The following ZNF316 variants were observed in gnomAD, a reference collection of about 807,000 sequenced individuals.
ZNF316 encodes zinc finger protein 316.
ZNF316 carries 23 observed loss-of-function variants against 75.6 expected under a neutral mutation model. That is an observed-to-expected ratio of 0.30 (90% CI 0.22 to 0.43). The LOEUF (loss-of-function observed/expected upper bound fraction) is 0.43. ZNF316 is among the 20% of genes least tolerant of loss of function. ZNF316 has a pLI of 1.00. For synonymous variants in ZNF316, 827 were observed against 666.2 expected, an observed-to-expected ratio of 1.24 and a Z score of -3.72; for missense variants, 1,266 against 1,409.4, an observed-to-expected ratio of 0.90 and a Z score of 1.63.
Position 6,653,500 on chromosome 7 carries a change from C to T in ZNF316, c.1904C>T (p.Pro635Leu), listed in dbSNP as rs1362149938. 3.7e-5 allele frequency: 45 copies of T among 1,220,814 alleles called. No homozygotes were observed. The highest frequency in any genetic ancestry group is 4.5e-5 in the Non-Finnish European group (44 of 980,854). The allele number at this position is 1,220,814 out of a possible 1,614,324, so 75.6% of individuals were successfully genotyped here. A position where few individuals can be genotyped will look rare whatever the true frequency, so the allele number is the denominator to read the frequency against. Reference protein sequence around the residue: ...LPVDGRPLPAPLGGPLSLVEG... With the variant: ...LPVDGRPLPALLGGPLSLVEG... ...GTCGACGGGCGCCCGCTCCCGGCGC[C>T]CCTGGGGGGCCCGCTCTCCCTGGTG... The change falls in exon 9 of 9, where the codon CCC (proline) becomes CTC (leucine). Residue 635 changes from proline (P) to leucine (L), a missense_variant. Pro to Leu is a moderately conservative substitution (Grantham distance 98). Around this residue, in one of 3 missense-constraint regions of ZNF316, gnomAD observed 961 missense variants for 990.9 expected, o/e 0.97. Transcript: ENST00000382252.
chr7:6,652,902 G>A lies in ZNF316; in HGVS notation c.1306G>A (p.Ala436Thr). The change falls in exon 9 of 9, where the codon GCG (alanine) becomes ACG (threonine). Residue 436 changes from alanine (A) to threonine (T), a missense_variant. This residue lies in a region of ZNF316 where 961 missense variants were observed against 990.9 expected (regional missense o/e 0.97). Transcript: ENST00000382252. ...ERPYRCAFCG[A>T]GFGRRSYLVT... ...GCCCTACCGCTGCGCCTTCTGCGGC[G>A]CGGGCTTCGGGCGCCGCTCCTACCT... 1 of 1,238,670 alleles carries A rather than the reference G, an allele frequency of 8.1e-7. No individual in the cohort carries two copies. The highest frequency in any genetic ancestry group is 1.0e-6 in the Non-Finnish European group (1 of 990,846). The allele number at this position is 1,238,670 out of a possible 1,614,324, so 76.7% of individuals were successfully genotyped here. A position where few individuals can be genotyped will look rare whatever the true frequency, so the allele number is the denominator to read the frequency against.
Position 6,642,781 on chromosome 7 carries a change from G to C in ZNF316, c.355+17G>C. The C allele has an allele frequency of 8.1e-7, 1 of 1,233,504 alleles. No homozygotes were observed. The highest frequency in any genetic ancestry group is 1.0e-6 in the Non-Finnish European group (1 of 988,976). The allele number at this position is 1,233,504 out of a possible 1,614,324, so 76.4% of individuals were successfully genotyped here. The stretch of plus-strand genomic sequence containing the variant: ...AGGAAAAGGGTAAGAAAAGCAGCCA[G>C]CCTTGGGGAGGAGATGAAGGGGGCT... On this transcript the variant is annotated intron_variant, in intron 5 of 8. Transcript: ENST00000382252. This position sits in a 1 kb window ranked among gnomAD's most constrained non-coding sequence, Gnocchi z 8.1.
chr7:6,653,100 C>T lies in ZNF316; in HGVS notation c.1504C>T (p.Arg502Cys). The change falls in exon 9 of 9, where the codon CGC becomes TGC. Residue 502 changes from arginine (R) to cysteine (C), a missense_variant. Arg to Cys is a radical substitution (Grantham distance 180). Transcript: ENST00000382252. Reference protein sequence around the residue: ...QAFRLRADFQRHRRGGGCAEA... With the variant: ...QAFRLRADFQCHRRGGGCAEA... ...CTTCCGCCTGCGCGCCGACTTCCAG[C>T]GCCACCGACGCGGCGGGGGCTGCGC... The T allele has an allele frequency of 8.5e-7, 1 of 1,178,536 alleles. No individual in the cohort carries two copies. The highest frequency in any genetic ancestry group is 1.0e-6 in the Non-Finnish European group (1 of 954,662). 73.0% of individuals were successfully genotyped at this position (1,178,536 alleles called of 1,614,324 possible).
chr7:6,639,898 C>G lies in ZNF316; in HGVS notation c.-167+757C>G, dbSNP rs138702581. On this transcript the variant is annotated intron_variant, in intron 3 of 8. Coordinates refer to ENST00000382252, the MANE Select transcript of ZNF316 (RefSeq NM_001278559.2). This position sits in a 1 kb window ranked among gnomAD's most constrained non-coding sequence, Gnocchi z 4.2. ...TTTCGACACTTTGGGCATCTTCACA[C>G]GCCAAAGAGCTGTGGACACTGAGAA... is the stretch of plus-strand genomic sequence containing the variant. Among the ~76,000 whole-genome samples, 1 of 152,144 alleles carries G rather than the reference C, an allele frequency of 6.6e-6. No individual in the cohort carries two copies.
At chr7:6,644,105 C>T (rs1182310962) in intron 7 of ZNF316, among the ~76,000 whole-genome samples, 157 bp downstream of exon 7, 1 of 152,114 alleles carries the variant, frequency 6.6e-6, no homozygotes, top group Non-Finnish European at 1.5e-5. Flanking sequence ...CCCCATGGCC[C>T]CTGGGTGGGG....
rs369688400 is a variant in ZNF316, at chr7:6,657,901, TAAAAAA to T, written c.*3294_*3299del. On this transcript the variant is annotated 3_prime_UTR_variant, in exon 9 of 9. Transcript: ENST00000382252. ...ATAGTTGACTGTCCAGCCAAATACT[TAAAAAA>T]AAAGTTTATAGGGAGAAAAATACCC... Among the ~76,000 whole-genome samples, 1 of 145,564 alleles carries T rather than the reference TAAAAAA, an allele frequency of 6.9e-6. No individual in the cohort carries two copies. The highest frequency in any genetic ancestry group is 6.9e-5 in the Admixed American group (1 of 14,518).
chr7:6,649,060 G>T lies in ZNF316; in HGVS notation c.707-3243G>T, dbSNP rs185459590. On this transcript the variant is annotated intron_variant, in intron 8 of 8. Coordinates refer to ENST00000382252, the MANE Select transcript of ZNF316 (RefSeq NM_001278559.2). ...CAGCTCCTGTCACCTGCCGCTGGAT[G>T]GGGGGGGTCTTAGTGTTCCCAGTTC... Among the ~76,000 whole-genome samples the T allele has an allele frequency of 4.0e-3, 603 of 151,876 alleles. 4 individuals are homozygous for T. The highest frequency in any genetic ancestry group is 0.014 in the African/African-American group (569 of 41,392).
rs1388473976 is a variant in ZNF316 at position 6,644,676 on chromosome 7, C to T, written c.706+83C>T. The stretch of plus-strand genomic sequence containing the variant: ...ACTTTGGCCTTCACTGCGCTCTCTG[C>T]AGACCTGGTACCTGGTGCCTCTGAC... On this transcript the variant is annotated intron_variant, in intron 8 of 8. Transcript: ENST00000382252. The T allele has an allele frequency of 1.8e-5, 13 of 704,486 alleles. No individual in the cohort carries two copies. The Admixed American group carries it at 3.5e-4, about 19-fold the overall frequency. The allele number at this position is 704,486 out of a possible 1,614,324, so 43.6% of individuals were successfully genotyped here.
At chr7:6,644,892 A>G (rs1779372284) in intron 8 of ZNF316, among the ~76,000 whole-genome samples, 1 of 152,242 alleles carries the variant, frequency 6.6e-6, no homozygotes, top group South Asian at 2.1e-4. Context: ...GAGCCAGGGC[A>G]GACCCAGGAG....
rs33942632 is a variant in ZNF316 at position 6,657,311 on chromosome 7, C to CAAAAAAAAA, written c.*2719_*2727dup. On this transcript the variant is annotated 3_prime_UTR_variant, in exon 9 of 9. Coordinates refer to ENST00000382252, the MANE Select transcript of ZNF316 (RefSeq NM_001278559.2). ...GCCCGGCCAGAGCAACCTAATATTT[C>CAAAAAAAAA]AAAAAAAAAAAAAAAAAAAAAAAAA... Among the ~76,000 whole-genome samples the CAAAAAAAAA allele has an allele frequency of 1.5e-5, 1 of 65,200 alleles. No homozygotes were observed. Among genetic ancestry groups the CAAAAAAAAA allele is most frequent in the East Asian group, 5.8e-4 (1 of 1,710 alleles). The allele number at this position is 65,200 out of a possible 152,430, so 42.8% of individuals were successfully genotyped here. A position where few individuals can be genotyped will look rare whatever the true frequency, so the allele number is the denominator to read the frequency against.
In ZNF316 at chr7:6,640,704, G is replaced by C. The variant is rs1360100563; in HGVS notation, c.-166-1121G>C. On this transcript the variant is annotated intron_variant, in intron 3 of 8. Coordinates refer to ENST00000382252, the MANE Select transcript of ZNF316 (RefSeq NM_001278559.2). The surrounding 1 kb of genome is among the most constrained non-coding windows in gnomAD (Gnocchi z 5.1). ...GTGCTGGAGGCGGGCCTGCTGGGAG[G>C]TGATTTCCAGTGTTGGAGGTGGGCC... 1.3e-5 allele frequency among the ~76,000 whole-genome samples: 2 copies of C among 152,200 alleles called. No individual in the cohort carries two copies. The highest frequency in any genetic ancestry group is 4.8e-5 in the African/African-American group (2 of 41,470).
At chr7:6,651,836 T>C (rs1779512683) in intron 8 of ZNF316, among the ~76,000 whole-genome samples, 1 of 152,196 alleles carries the variant, frequency 6.6e-6, no homozygotes, top group Non-Finnish European at 1.5e-5. Flanking sequence ...TGCGCTGTCT[T>C]CCAGGAAGGC....
chr7:6,641,406 A>G (rs1779309579), intron 3 of ZNF316, among the ~76,000 whole-genome samples: 1 of 152,232 alleles, frequency 6.6e-6, no homozygotes. Context: ...AAGGAGCCAC[A>G]GAAATGGACT....
chr7:6,641,275 G>A (rs1269122579), intron 3 of ZNF316, among the ~76,000 whole-genome samples: 1 of 152,214 alleles, frequency 6.6e-6, no homozygotes, highest in African/African-American at 2.4e-5. Context: ...TGCTTCTGGG[G>A]CTCATGGCCT....
rs1482870351 is a variant in ZNF316 at position 6,639,625 on chromosome 7, C to T, written c.-167+484C>T. Among the ~76,000 whole-genome samples the T allele has an allele frequency of 1.3e-5, 2 of 152,320 alleles. No individual in the cohort carries two copies. The highest frequency in any genetic ancestry group is 1.9e-4 in the East Asian group (1 of 5,186). ...TCTTCTGTTGTGTCCTCATATATGG[C>T]GGCCTGGCTCTGGGAGTTTAAAGTT... On this transcript the variant is annotated intron_variant, in intron 3 of 8. Coordinates refer to ENST00000382252, the MANE Select transcript of ZNF316 (RefSeq NM_001278559.2). This position sits in a 1 kb window ranked among gnomAD's most constrained non-coding sequence, Gnocchi z 4.2.
At chr7:6,652,266 T>C in intron 8 of ZNF316, 37 bp from the exon 9 acceptor site, 10 of 1,232,236 alleles carry the variant, frequency 8.1e-6, no homozygotes, top group Non-Finnish European at 1.0e-5. Context: ...TCAAGTTCAC[T>C]TACCTCTCTC....
intron 7 of ZNF316, 150 bp from the exon 8 acceptor site, chr7:6,644,330 G>C (rs1011407547): frequency 1.9e-5 from 8 of 419,154 alleles, no homozygotes; most frequent in Non-Finnish European, 3.2e-5. Context: ...AGAGGGAAGG[G>C]ACCGCCTGGA....
chr7:6,642,730 T>C lies in ZNF316; in HGVS notation c.321T>C (p.Gly107=), dbSNP rs1583440589. ...GGACCCAGGAGCGACTTAGCCGTGG[T>C]GGTGATGCCAAGTCCCCAGTTCTTC... ...ALGTQERLSR[G]GDAKSPVLQE... The change falls in exon 5 of 9, where the codon GGT becomes GGC. Residue 107 remains glycine (G), a synonymous_variant. Coordinates refer to ENST00000382252, the MANE Select transcript of ZNF316 (RefSeq NM_001278559.2). The surrounding 1 kb of genome is among the most constrained non-coding windows in gnomAD (Gnocchi z 8.1). 1.6e-6 allele frequency: 2 copies of C among 1,233,234 alleles called. No homozygotes were observed. The highest frequency in any genetic ancestry group is 3.1e-4 in the Middle Eastern group (1 of 3,236). The allele number at this position is 1,233,234 out of a possible 1,614,324, so 76.4% of individuals were successfully genotyped here.
Position 6,653,775 on chromosome 7 carries a change from A to ACGCG in ZNF316, c.2179_2180insCGCG (p.Ser727ThrfsTer166), listed in dbSNP as rs1430685493. On this transcript the variant is annotated frameshift_variant, in exon 9 of 9. Transcript: ENST00000382252. LOFTEE classifies it high-confidence loss of function. Reference sequence around the variant, plus strand: ...GCATCGCTGCGCCGACTGCGGCAAGAGCTTCGTGTACGGCTCGCACCTGGC... The same window carrying ACGCG: ...GCATCGCTGCGCCGACTGCGGCAAGACGCGGCTTCGTGTACGGCTCGCACCTGGC... 1 of 1,084,686 alleles carries ACGCG rather than the reference A, an allele frequency of 9.2e-7. No homozygotes were observed. Among genetic ancestry groups the ACGCG allele is most frequent in the African/African-American group, 1.7e-5 (1 of 57,780 alleles). 67.2% of individuals were successfully genotyped at this position (1,084,686 alleles called of 1,614,324 possible). A position where few individuals can be genotyped will look rare whatever the true frequency, so the allele number is the denominator to read the frequency against.
Sources: gnomAD v4.1 joint callset for allele counts (sites outside exome capture counted in the v4.1 genomes callset) on GRCh38, gnomAD v4.1.1 for gene constraint, gnomAD v4.1.1 regional missense constraint, Gnocchi (gnomAD v3.1) non-coding constraint, MANE v1.5 for transcripts, NCBI Gene and HGNC (gene_info 2026-07-23, HGNC 2026-07-21) for gene names.